Variants in PLCB1 observed in about 807,000 individuals in gnomAD.
The protein encoded by PLCB1 is phospholipase C beta 1.
Under a neutral mutation model 161.8 loss-of-function variants are expected in PLCB1, and 46 were observed. The observed-to-expected ratio is 0.28, with a 90% confidence interval of 0.22 to 0.36. PLCB1 has a LOEUF of 0.36. Ranked by LOEUF, PLCB1 falls within the 10% of genes least tolerant of loss-of-function variation. The pLI is 1.00. For missense variants in PLCB1, 1,016 were observed against 1,472.5 expected, an observed-to-expected ratio of 0.69 and a Z score of 5.07; for synonymous variants, 517 against 503.7, an observed-to-expected ratio of 1.03 and a Z score of -0.35.
At chr20:8,728,925 G>A in intron 17 of PLCB1, 125 bp from the exon 18 acceptor site, 1 of 550,928 alleles carries the variant, frequency 1.8e-6, no homozygotes, top group Admixed American at 3.8e-5. Context: ...TCCCAAAGTA[G>A]CCCAACGAGA....
At chr20:8,294,463 T>C (rs1051189404) in intron 2 of PLCB1, among the ~76,000 whole-genome samples, 6 of 152,040 alleles carry the variant, frequency 3.9e-5, no homozygotes, top group Non-Finnish European at 8.8e-5. Flanking sequence ...ACACACAATT[T>C]ATATGCATAT....
intron 25 of PLCB1, 139 bp downstream of exon 25, chr20:8,760,599 A>G: frequency 1.7e-6 from 1 of 587,594 alleles, no homozygotes; most frequent in Non-Finnish European, 3.0e-6. Flanking sequence ...CTAGAGACAT[A>G]CACTTTTAGT....
At chr20:8,822,830 G>A (rs1985498875) in intron 31 of PLCB1, among the ~76,000 whole-genome samples, 1 of 152,114 alleles carries the variant, frequency 6.6e-6, no homozygotes. Flanking sequence ...GAGTAGAAGA[G>A]AACAGAGATA....
intron 2 of PLCB1, among the ~76,000 whole-genome samples, chr20:8,304,988 T>C (rs1984068967): frequency 6.6e-6 from 1 of 152,214 alleles, no homozygotes; most frequent in African/African-American, 2.4e-5. Flanking sequence ...CTGACATTGC[T>C]ATCATCTACT....
At chr20:8,771,629 G>T (rs1982681165) in intron 26 of PLCB1, among the ~76,000 whole-genome samples, 1 of 152,074 alleles carries the variant, frequency 6.6e-6, no homozygotes, top group Non-Finnish European at 1.5e-5. Context: ...TATAGAAGAT[G>T]CAGAGACGTT....
intron 31 of PLCB1, among the ~76,000 whole-genome samples, chr20:8,812,359 A>G (rs1984866789): frequency 6.6e-6 from 1 of 151,806 alleles, no homozygotes; most frequent in South Asian, 2.1e-4. Flanking sequence ...CTTAGAAGGG[A>G]CACGAAAGCT....
chr20:8,503,714 T>C (rs970152084), intron 3 of PLCB1, among the ~76,000 whole-genome samples: 25 of 152,334 alleles, frequency 1.6e-4, no homozygotes, highest in African/African-American at 5.8e-4. Context: ...TGTTAGGATC[T>C]GGGCTAATAG....
At chr20:8,279,926 C>T (rs1365024812) in intron 2 of PLCB1, among the ~76,000 whole-genome samples, 11 of 152,112 alleles carry the variant, frequency 7.2e-5, no homozygotes, top group East Asian at 1.9e-4. Flanking sequence ...GCAGATGAGG[C>T]GTCTTTGGGG....
chr20:8,312,924 T>A (rs753679121), intron 2 of PLCB1, among the ~76,000 whole-genome samples: 4 of 152,180 alleles, frequency 2.6e-5, no homozygotes, highest in African/African-American at 7.2e-5. Context: ...TTCAAAATAT[T>A]TGGCATTATA....
chr20:8,193,922 T>C (rs6118099), intron 2 of PLCB1, among the ~76,000 whole-genome samples: 4,115 of 152,048 alleles, frequency 0.027, 198 homozygotes, highest in African/African-American at 0.092. Context: ...CTGCCTTGCT[T>C]TCTTCTTTCC....
chr20:8,684,837 C>T, intron 9 of PLCB1, 95 bp from the exon 10 acceptor site: 1 of 842,808 alleles, frequency 1.2e-6, no homozygotes, highest in Non-Finnish European at 1.9e-6. Flanking sequence ...CTACCTTGGA[C>T]ACTACAAGAT....
At chr20:8,460,857 C>A (rs1981544227) in intron 3 of PLCB1, among the ~76,000 whole-genome samples, 1 of 152,132 alleles carries the variant, frequency 6.6e-6, no homozygotes, top group Admixed American at 6.5e-5. Flanking sequence ...GTCTTCATTG[C>A]TAACTAGCTC....
intron 27 of PLCB1, among the ~76,000 whole-genome samples, chr20:8,784,287 G>A (rs559825182): frequency 2.0e-5 from 3 of 152,240 alleles, no homozygotes; most frequent in Non-Finnish European, 2.9e-5. Flanking sequence ...CTGAGGTCGG[G>A]CTCGGTGGCT....
chr20:8,290,801 G>A (rs1299545539), intron 2 of PLCB1, among the ~76,000 whole-genome samples: 3 of 151,914 alleles, frequency 2.0e-5, no homozygotes, highest in Non-Finnish European at 4.4e-5. Flanking sequence ...CAAGATTCCT[G>A]TGCCACTGAC....
rs377654788 is a variant in PLCB1, at chr20:8,780,021, G to A, written c.3111+5302G>A. ...CATGATATCTCTCAATGAACAGCTTGGGGGTCTGTAAACCCCAGGTAAGGA... is the reference window on the plus strand; with the variant it reads ...CATGATATCTCTCAATGAACAGCTTAGGGGTCTGTAAACCCCAGGTAAGGA... On this transcript the variant is annotated intron_variant, in intron 27 of 31. Transcript: ENST00000338037. Among the ~76,000 whole-genome samples, 53 of 152,290 alleles carry A rather than the reference G, an allele frequency of 3.5e-4. No individual in the cohort carries two copies. The East Asian group carries it at 7.5e-3, about 22-fold the overall frequency.
At chr20:8,418,814 C>A (rs1001994975) in intron 3 of PLCB1, among the ~76,000 whole-genome samples, 1 of 152,130 alleles carries the variant, frequency 6.6e-6, no homozygotes, top group African/African-American at 2.4e-5. Context: ...TTGACTCTAA[C>A]CCAACTATCC....
At chr20:8,656,788 AG>A (rs1426174599) in intron 7 of PLCB1, among the ~76,000 whole-genome samples, 5 of 126,394 alleles carry the variant, frequency 4.0e-5, no homozygotes, top group Non-Finnish European at 6.6e-5. Flanking sequence ...AGATTCAAGT[AG>A]GAAAAAAAAA....
intron 4 of PLCB1, among the ~76,000 whole-genome samples, chr20:8,629,867 T>TTC (rs1414776131): frequency 9.0e-6 from 1 of 111,192 alleles, no homozygotes; most frequent in African/African-American, 3.7e-5. Flanking sequence ...CTTTCTTTCT[T>TTC]TCTTTCTTTC....
At chr20:8,665,713 T>G (rs957516212) in intron 9 of PLCB1, among the ~76,000 whole-genome samples, 1 of 152,212 alleles carries the variant, frequency 6.6e-6, no homozygotes, top group African/African-American at 2.4e-5. Flanking sequence ...TTGAATCATA[T>G]TTTTCCAGCA....
Sources: gnomAD v4.1 joint callset for allele counts (sites outside exome capture counted in the v4.1 genomes callset) on GRCh38, gnomAD v4.1.1 for gene constraint, MANE v1.5 for transcripts, NCBI Gene and HGNC (gene_info 2026-07-23, HGNC 2026-07-21) for gene names.